The following PTPRT variants were observed in gnomAD, a reference collection of about 807,000 sequenced individuals.
The protein encoded by PTPRT is receptor-type tyrosine-protein phosphatase T.
Under a neutral mutation model 176.8 loss-of-function variants are expected in PTPRT, and 56 were observed. The ratio of observed to expected loss-of-function variants is 0.32; its 90% CI spans 0.26 to 0.40. The LOEUF (loss-of-function observed/expected upper bound fraction) is 0.40, where lower values mean the gene tolerates loss of function less well. Ranked by LOEUF, PTPRT falls within the 10% of genes least tolerant of loss-of-function variation. The probability of loss-of-function intolerance (pLI) is 1.00; values close to 1 mark genes in which losing one functional copy is unlikely to be tolerated. For synonymous variants in PTPRT, 783 were observed against 739.0 expected (o/e 1.06, Z -0.96); for missense variants, 1,540 against 1,908.2 (o/e 0.81, Z 3.60).
At chr20:42,491,631 G>A (rs1449600130) in intron 7 of PTPRT, among the ~76,000 whole-genome samples, 1 of 152,120 alleles carries the variant, frequency 6.6e-6, no homozygotes, top group African/African-American at 2.4e-5. Context: ...TGTCCACCCT[G>A]GATGATAAAG....
chr20:43,189,637 C>G lies in PTPRT; in HGVS notation c.88+9G>C. ...GGGGAGCCCAGGGGAGCCGGGCGGG[C>G]GCACTCACCTGCGGCGCTCTGAGCC... On this transcript the variant is annotated intron_variant, in intron 1 of 30. Coordinates refer to ENST00000373187, the MANE Select transcript of PTPRT (RefSeq NM_007050.6). The surrounding 1 kb of genome is among the most constrained non-coding windows in gnomAD (Gnocchi z 5.0). The G allele has an allele frequency of 2.4e-6, 3 of 1,251,768 alleles. No homozygotes were observed. The highest frequency in any genetic ancestry group is 3.0e-6 in the Non-Finnish European group (3 of 998,224). 77.5% of individuals were successfully genotyped at this position (1,251,768 alleles called of 1,614,324 possible).
chr20:42,087,731 G>A (rs1302021302), intron 27 of PTPRT, among the ~76,000 whole-genome samples: 1 of 151,208 alleles, frequency 6.6e-6, no homozygotes, highest in Non-Finnish European at 1.5e-5. Flanking sequence ...AAATTAGCCG[G>A]GTATGGTGGT....
At chr20:43,155,016 G>A (rs572506561) in intron 1 of PTPRT, among the ~76,000 whole-genome samples, 2 of 152,114 alleles carry the variant, frequency 1.3e-5, no homozygotes, top group African/African-American at 2.4e-5. Flanking sequence ...ATCTCACTCC[G>A]TTAGAATGGC....
At chr20:42,688,173 G>A (rs2075731363) in intron 6 of PTPRT, 2 of 152,212 alleles carry the variant, frequency 1.3e-5, no homozygotes, top group African/African-American at 4.8e-5. Context: ...GAAGAAGGAA[G>A]AAGATGCTCT....
At chr20:42,464,130 T>C (rs912122838) in intron 8 of PTPRT, among the ~76,000 whole-genome samples, 3 of 152,166 alleles carry the variant, frequency 2.0e-5, no homozygotes, top group Non-Finnish European at 4.4e-5. Flanking sequence ...TAGCTTTGAA[T>C]ATAGCTAAAA....
At chr20:43,008,162 G>GT (rs1436123748) in intron 1 of PTPRT, among the ~76,000 whole-genome samples, 23 of 152,192 alleles carry the variant, frequency 1.5e-4, no homozygotes, top group African/African-American at 5.5e-4. Context: ...ACCCCACGAG[G>GT]TAAGAGTATT....
At chr20:42,199,718 G>A (rs952704152) in intron 15 of PTPRT, among the ~76,000 whole-genome samples, 1 of 152,140 alleles carries the variant, frequency 6.6e-6, no homozygotes, top group African/African-American at 2.4e-5. Flanking sequence ...TCCTTTCAGA[G>A]GGAGGAAGTG....
chr20:42,134,041 G>T (rs1028075369), intron 18 of PTPRT, among the ~76,000 whole-genome samples: 3 of 152,170 alleles, frequency 2.0e-5, no homozygotes, highest in African/African-American at 7.2e-5. Context: ...TCACTAAAGG[G>T]TGGAATTCAG....
At chr20:42,523,666 T>C (rs2072217158) in intron 7 of PTPRT, among the ~76,000 whole-genome samples, 1 of 152,216 alleles carries the variant, frequency 6.6e-6, no homozygotes. Flanking sequence ...TACAATGACG[T>C]AGACATATAT....
intron 15 of PTPRT, among the ~76,000 whole-genome samples, chr20:42,225,766 C>T (rs1239633069): frequency 1.3e-5 from 2 of 152,212 alleles, no homozygotes; most frequent in Non-Finnish European, 2.9e-5. Flanking sequence ...GATTCCTCTG[C>T]CTCGGCCTCC....
At chr20:42,462,003 TA>T (rs78975132) in intron 8 of PTPRT, among the ~76,000 whole-genome samples, 25,641 of 143,880 alleles carry the variant, frequency 0.18, 2,564 homozygotes, top group African/African-American at 0.27. Context: ...GACATTGAGT[TA>T]AAAAAAAAAA....
At chr20:42,899,351 T>C (rs2079360432) in intron 1 of PTPRT, among the ~76,000 whole-genome samples, 1 of 152,202 alleles carries the variant, frequency 6.6e-6, no homozygotes, top group Non-Finnish European at 1.5e-5. Context: ...CTGGCAGCTG[T>C]GTCAGCGTCT....
intron 9 of PTPRT, among the ~76,000 whole-genome samples, chr20:42,381,088 G>A (rs1369421721): frequency 6.6e-6 from 1 of 152,140 alleles, no homozygotes; most frequent in Non-Finnish European, 1.5e-5. Context: ...CCAAGGGGAT[G>A]TGGTGTTAAA....
At chr20:42,772,478 G>T (rs2077077029) in intron 4 of PTPRT, among the ~76,000 whole-genome samples, 1 of 152,166 alleles carries the variant, frequency 6.6e-6, no homozygotes, top group Admixed American at 6.5e-5. Context: ...ACAATCTTCG[G>T]ATTAAGTCTA....
At chr20:42,348,605 T>C (rs2058231324) in intron 11 of PTPRT, among the ~76,000 whole-genome samples, 1 of 152,126 alleles carries the variant, frequency 6.6e-6, no homozygotes, top group African/African-American at 2.4e-5. Context: ...GAGGAGACTA[T>C]TATACAATGT....
chr20:42,904,846 G>A (rs1284247178), intron 1 of PTPRT, among the ~76,000 whole-genome samples: 4 of 152,126 alleles, frequency 2.6e-5, no homozygotes, highest in Non-Finnish European at 4.4e-5. Flanking sequence ...AATGGTGCTG[G>A]GAAAACTGGC....
intron 7 of PTPRT, among the ~76,000 whole-genome samples, chr20:42,666,946 T>C (rs2075327101): frequency 6.6e-6 from 1 of 152,222 alleles, no homozygotes; most frequent in South Asian, 2.1e-4. Flanking sequence ...ATTGAGGCTA[T>C]AAGAACGTTT....
intron 7 of PTPRT, among the ~76,000 whole-genome samples, chr20:42,672,210 C>T (rs1221211311): frequency 6.6e-6 from 1 of 152,188 alleles, no homozygotes; most frequent in African/African-American, 2.4e-5. Flanking sequence ...CACCCTCAAT[C>T]TGGGTGAACA....
intron 1 of PTPRT, among the ~76,000 whole-genome samples, chr20:42,940,809 C>T (rs1254136507): frequency 1.3e-5 from 2 of 152,010 alleles, no homozygotes; most frequent in African/African-American, 2.4e-5. Context: ...CAGCTGGGTG[C>T]GGTGGCTCAT....
Sources: allele counts gnomAD v4.1 joint callset (sites outside exome capture counted in the v4.1 genomes callset), GRCh38; gene constraint gnomAD v4.1.1; non-coding constraint Gnocchi (gnomAD v3.1); transcripts MANE v1.5; gene names NCBI Gene and HGNC (gene_info 2026-07-23, HGNC 2026-07-21).